TMEM132B: variants seen among roughly 807,000 people sequenced by gnomAD.
The protein encoded by TMEM132B is transmembrane protein 132B.
A neutral mutation model predicts 90.8 loss-of-function variants in TMEM132B; 18 were observed. That is an observed-to-expected ratio of 0.20 (90% CI 0.14 to 0.29). The LOEUF (loss-of-function observed/expected upper bound fraction) is 0.29, where lower values mean the gene tolerates loss of function less well. Among genes scored for constraint, TMEM132B ranks in the 10% least tolerant of loss-of-function variants. The probability of loss-of-function intolerance (pLI) is 1.00; values close to 1 mark genes in which losing one functional copy is unlikely to be tolerated. For synonymous variants in TMEM132B, 504 were observed against 523.3 expected (o/e 0.96, Z 0.50); for missense variants, 1,096 against 1,326.8 (o/e 0.83, Z 2.70).
intron 2 of TMEM132B, among the ~76,000 whole-genome samples, chr12:125,394,178 GCTA>G (rs1879107810): frequency 6.6e-6 from 1 of 152,198 alleles, no homozygotes; most frequent in Non-Finnish European, 1.5e-5. Context: ...CAGTGAGGTG[GCTA>G]CTATGATTCC....
rs556753318 is a variant in TMEM132B at position 125,546,534 on chromosome 12, A to G, written c.1293+26909A>G. On this transcript the variant is annotated intron_variant, in intron 4 of 8. Coordinates refer to ENST00000682704, the MANE Select transcript of TMEM132B (RefSeq NM_001366854.1). ...TTTTGCCTTTTCTAGAACTTTATAT[A>G]AATGGAATCATATTGTATGTAATTT... Among the ~76,000 whole-genome samples the G allele has an allele frequency of 3.3e-5, 5 of 152,320 alleles. No individual in the cohort carries two copies. The South Asian group carries it at 8.3e-4, about 25-fold the overall frequency.
chr12:125,466,233 A>G (rs961594093), intron 3 of TMEM132B, among the ~76,000 whole-genome samples: 5 of 152,154 alleles, frequency 3.3e-5, no homozygotes, highest in African/African-American at 1.2e-4. Context: ...ACTTCTGGCC[A>G]TTCCCTGTTT....
intron 3 of TMEM132B, among the ~76,000 whole-genome samples, chr12:125,481,487 G>A (rs1882041501): frequency 6.6e-6 from 1 of 152,174 alleles, no homozygotes; most frequent in Non-Finnish European, 1.5e-5. Context: ...AATCATGAGT[G>A]AACTCCCATT....
chr12:125,478,374 A>G (rs1469279125), intron 3 of TMEM132B, among the ~76,000 whole-genome samples: 1 of 152,162 alleles, frequency 6.6e-6, no homozygotes, highest in Non-Finnish European at 1.5e-5. Flanking sequence ...TTGAAAAGAG[A>G]TTAGACGGAT....
At position 125,658,181 on chromosome 12, in the gene TMEM132B, C is replaced by T. The variant is rs1412899304; in HGVS notation, c.*3471C>T. ...ATCCTGACTATGTAGACGGAAGTTT[C>T]TATTTATAAAGTCATGCAGGGGGAA... is the stretch of plus-strand genomic sequence containing the variant. On this transcript the variant is annotated 3_prime_UTR_variant, in exon 9 of 9. Coordinates refer to ENST00000682704, the MANE Select transcript of TMEM132B (RefSeq NM_001366854.1). 1 of 152,202 alleles carries T rather than the reference C, an allele frequency of 6.6e-6. No individual in the cohort carries two copies. The highest frequency in any genetic ancestry group is 1.5e-5 in the Non-Finnish European group (1 of 68,030). 9.4% of individuals were successfully genotyped at this position (152,202 alleles called of 1,614,324 possible).
At chr12:125,513,542 C>T (rs1379360833) in intron 3 of TMEM132B, among the ~76,000 whole-genome samples, 2 of 152,294 alleles carry the variant, frequency 1.3e-5, no homozygotes, top group East Asian at 3.9e-4. Context: ...AGCCTTCAAA[C>T]AAAGACTTGA....
rs1007857343 is a variant in TMEM132B at position 125,661,521 on chromosome 12, G to C, written c.*6811G>C. 1 of 152,218 alleles carries C rather than the reference G, an allele frequency of 6.6e-6. No individual in the cohort carries two copies. Among genetic ancestry groups the C allele is most frequent in the African/African-American group, 2.4e-5 (1 of 41,458 alleles). 9.4% of individuals were successfully genotyped at this position (152,218 alleles called of 1,614,324 possible). The stretch of plus-strand genomic sequence containing the variant: ...AGAGCCACCAGTTCACATGCCCAAA[G>C]ATGAACTGGCCCATGGAGGGACTTG... On this transcript the variant is annotated 3_prime_UTR_variant, in exon 9 of 9. Transcript: ENST00000682704.
chr12:125,297,639 A>G (rs530936044), intron 1 of TMEM132B, among the ~76,000 whole-genome samples: 1 of 152,318 alleles, frequency 6.6e-6, no homozygotes, highest in South Asian at 2.1e-4. Flanking sequence ...AAGAATTGAG[A>G]TGCTCAAGGG....
At chr12:125,269,266 A>C (rs12583002) in intron 1 of TMEM132B, among the ~76,000 whole-genome samples, 14,107 of 152,144 alleles carry the variant, frequency 0.093, 779 homozygotes, top group East Asian at 0.18. Flanking sequence ...AATTCCGGGG[A>C]CTTGGAGGGT....
intron 3 of TMEM132B, among the ~76,000 whole-genome samples, chr12:125,476,782 C>CAGAT (rs1308947738): frequency 5.3e-5 from 8 of 152,286 alleles, no homozygotes; most frequent in Non-Finnish European, 8.8e-5. Context: ...ATCATAGCCA[C>CAGAT]AGATACCTTA....
chr12:125,355,871 G>T (rs775463804), intron 2 of TMEM132B, among the ~76,000 whole-genome samples: 17 of 152,138 alleles, frequency 1.1e-4, no homozygotes, highest in South Asian at 8.3e-4. Flanking sequence ...AGAGGGGCCC[G>T]TCTGAACAAA....
chr12:125,408,548 T>G lies in TMEM132B; in HGVS notation c.960-6983T>G, dbSNP rs778667095. 1.2e-4 allele frequency among the ~76,000 whole-genome samples: 19 copies of G among 152,208 alleles called. No individual in the cohort carries two copies. Among genetic ancestry groups the G allele is most frequent in the Non-Finnish European group, 2.9e-5 (2 of 68,028 alleles). On this transcript the variant is annotated intron_variant, in intron 2 of 8. Transcript: ENST00000682704. This position sits in a 1 kb window ranked among gnomAD's most constrained non-coding sequence, Gnocchi z 5.9. ...TCTTGGACTTCAGCCTCCAGAACTG[T>G]GAGAAATAAATTTCTGTTGTTTATA...
intron 1 of TMEM132B, among the ~76,000 whole-genome samples, chr12:125,193,152 C>T (rs1872842183): frequency 6.6e-6 from 1 of 152,194 alleles, no homozygotes; most frequent in African/African-American, 2.4e-5. Context: ...CATGAACCAT[C>T]AGCCGTCTGC....
chr12:125,235,695 T>C (rs1450110079), intron 1 of TMEM132B, among the ~76,000 whole-genome samples: 8 of 152,146 alleles, frequency 5.3e-5, no homozygotes, highest in Non-Finnish European at 1.2e-4. Context: ...GGGTATTTTA[T>C]GTAAATTGAC....
chr12:125,484,241 A>T (rs753408957), intron 3 of TMEM132B, among the ~76,000 whole-genome samples: 2 of 150,876 alleles, frequency 1.3e-5, no homozygotes, highest in Non-Finnish European at 2.9e-5. Context: ...GCATAATCTA[A>T]TGTTCTCCAA....
intron 1 of TMEM132B, among the ~76,000 whole-genome samples, chr12:125,230,255 T>C (rs1565979624): frequency 6.6e-6 from 1 of 152,170 alleles, no homozygotes; most frequent in African/African-American, 2.4e-5. Context: ...GGCTAACATG[T>C]TAAGGAGAAG....
intron 4 of TMEM132B, among the ~76,000 whole-genome samples, chr12:125,551,020 C>G (rs1884216062): frequency 1.3e-5 from 2 of 152,202 alleles, no homozygotes. Flanking sequence ...ACCATGTTGG[C>G]CAGGCTGGTC....
At chr12:125,329,106 G>GGTT (rs1876686083) in intron 1 of TMEM132B, among the ~76,000 whole-genome samples, 1 of 152,186 alleles carries the variant, frequency 6.6e-6, no homozygotes, top group Non-Finnish European at 1.5e-5. Flanking sequence ...ATTTAGGTGA[G>GGTT]GTTGCGAGGG....
chr12:125,256,406 G>C (rs1235193624), intron 1 of TMEM132B, among the ~76,000 whole-genome samples: 1 of 152,208 alleles, frequency 6.6e-6, no homozygotes, highest in Non-Finnish European at 1.5e-5. Context: ...GCTTGCGTTG[G>C]AAGGCAAAAC....
Sources: gnomAD v4.1 joint callset for allele counts (sites outside exome capture counted in the v4.1 genomes callset) on GRCh38, gnomAD v4.1.1 for gene constraint, Gnocchi (gnomAD v3.1) non-coding constraint, MANE v1.5 for transcripts, NCBI Gene and HGNC (gene_info 2026-07-23, HGNC 2026-07-21) for gene names.